Variants in PDE7B observed in about 807,000 individuals in gnomAD.
The protein encoded by PDE7B is phosphodiesterase 7B.
Under a neutral mutation model 56.2 loss-of-function variants are expected in PDE7B, and 29 were observed. The observed-to-expected ratio is 0.52, with a 90% CI of 0.38 to 0.70. The LOEUF is 0.70. Among genes scored for constraint, PDE7B ranks in the 30% least tolerant of loss-of-function variants. The pLI is 0.00. For missense variants in PDE7B, 490 were observed against 565.0 expected, an observed-to-expected ratio of 0.87 and a Z score of 1.35; for synonymous variants, 197 against 196.9, an observed-to-expected ratio of 1.00 and a Z score of 0.00.
rs146881524 is a variant in PDE7B at position 135,983,376 on chromosome 6, T to A, written c.82+35852T>A. ...CAGGTAATATATGTGAAATTAATCG[T>A]CTACATTCAAAATTACATTTTGTTG... is the stretch of plus-strand genomic sequence containing the variant. On this transcript the variant is annotated intron_variant, in intron 2 of 12. Transcript: ENST00000308191. Among the ~76,000 whole-genome samples, 242 of 152,330 alleles carry A rather than the reference T, an allele frequency of 1.6e-3. 1 individual carries two copies. In the East Asian group the frequency reaches 0.028, roughly 17 times the overall value.
intron 2 of PDE7B, among the ~76,000 whole-genome samples, chr6:135,947,857 G>T (rs1221407245): frequency 6.6e-6 from 1 of 151,964 alleles, no homozygotes; most frequent in Non-Finnish European, 1.5e-5. Context: ...ACCAAAGATG[G>T]ATGATAAGAT....
At chr6:136,141,613 G>T (rs1036309897) in intron 3 of PDE7B, among the ~76,000 whole-genome samples, 2 of 152,122 alleles carry the variant, frequency 1.3e-5, no homozygotes, top group Admixed American at 1.3e-4. Flanking sequence ...TTTTTGGTTT[G>T]TAAGCTATTA....
chr6:135,854,702 T>G (rs1268534004), intron 1 of PDE7B, among the ~76,000 whole-genome samples: 1 of 152,188 alleles, frequency 6.6e-6, no homozygotes, highest in Non-Finnish European at 1.5e-5. Flanking sequence ...TCAGCACCAC[T>G]GGCTTCTAAA....
intron 2 of PDE7B, among the ~76,000 whole-genome samples, chr6:135,989,691 A>C (rs1775447010): frequency 6.6e-6 from 1 of 152,208 alleles, no homozygotes; most frequent in Non-Finnish European, 1.5e-5. Flanking sequence ...ATATTAACTC[A>C]GTTGATGAAA....
chr6:136,097,357 T>C (rs1777485710), intron 2 of PDE7B, among the ~76,000 whole-genome samples: 1 of 152,190 alleles, frequency 6.6e-6, no homozygotes, highest in African/African-American at 2.4e-5. Context: ...CATCCAGTTA[T>C]GCAAACCAGA....
intron 2 of PDE7B, among the ~76,000 whole-genome samples, chr6:136,026,031 T>C (rs963854883): frequency 6.6e-6 from 1 of 152,200 alleles, no homozygotes; most frequent in African/African-American, 2.4e-5. Context: ...CATTCACCAA[T>C]GTCACATCAT....
chr6:135,853,513 C>G (rs1386820953), intron 1 of PDE7B, among the ~76,000 whole-genome samples: 1 of 152,146 alleles, frequency 6.6e-6, no homozygotes, highest in African/African-American at 2.4e-5. Flanking sequence ...TCAGTAGTTA[C>G]GTCTTGATTG....
At chr6:136,186,320 T>C (rs1245644037) in intron 11 of PDE7B, among the ~76,000 whole-genome samples, 1 of 151,982 alleles carries the variant, frequency 6.6e-6, no homozygotes, top group Non-Finnish European at 1.5e-5. Context: ...CCAAGCTACT[T>C]GGGAGGCTAA....
intron 2 of PDE7B, among the ~76,000 whole-genome samples, chr6:136,040,857 C>G (rs755414375): frequency 2.6e-5 from 4 of 152,134 alleles, no homozygotes; most frequent in Admixed American, 6.5e-5. Flanking sequence ...ACAACAAAGC[C>G]CAGGTCAAGC....
intron 2 of PDE7B, among the ~76,000 whole-genome samples, chr6:136,073,110 T>C (rs2128214216): frequency 6.6e-6 from 1 of 152,240 alleles, no homozygotes; most frequent in South Asian, 2.1e-4. Flanking sequence ...ATATCTGAGA[T>C]GGTGGCGTCG....
intron 2 of PDE7B, chr6:136,049,416 A>G (rs1341360891): frequency 6.6e-6 from 1 of 151,784 alleles, no homozygotes; most frequent in Non-Finnish European, 1.5e-5. Context: ...TGTTTTTCTA[A>G]GCAAACAGTT....
At chr6:135,886,283 G>A (rs1775708209) in intron 1 of PDE7B, among the ~76,000 whole-genome samples, 2 of 152,036 alleles carry the variant, frequency 1.3e-5, no homozygotes, top group Admixed American at 1.3e-4. Flanking sequence ...AAGAAGCCAA[G>A]GACCTCTGCA....
At position 136,089,808 on chromosome 6, in the gene PDE7B, C is replaced by T. The variant is rs562629046; in HGVS notation, c.83-18923C>T. The stretch of plus-strand genomic sequence containing the variant: ...GTCATAATTAGGCAGAACTCTTGCC[C>T]TCAAAAACTTACATTTTAAATATTC... On this transcript the variant is annotated intron_variant, in intron 2 of 12. Transcript: ENST00000308191. 1.1e-4 allele frequency among the ~76,000 whole-genome samples: 16 copies of T among 152,266 alleles called. No homozygotes were observed. In the East Asian group the frequency reaches 1.7e-3, roughly 17 times the overall value.
At chr6:136,111,353 T>C (rs1261212685) in intron 3 of PDE7B, among the ~76,000 whole-genome samples, 1 of 152,218 alleles carries the variant, frequency 6.6e-6, no homozygotes, top group African/African-American at 2.4e-5. Flanking sequence ...TAACTATGAA[T>C]GTAAATCATC....
rs117293462 is a variant in PDE7B, at chr6:135,865,275, G to A, written c.21+13256G>A. On this transcript the variant is annotated intron_variant, in intron 1 of 12. Coordinates refer to ENST00000308191, the MANE Select transcript of PDE7B (RefSeq NM_018945.4). ...CCCATTACTTACCTTCAATCTCTTTGTTCTTCATTTTGAAGATTTTCTTTA... is the reference window on the plus strand; with the variant it reads ...CCCATTACTTACCTTCAATCTCTTTATTCTTCATTTTGAAGATTTTCTTTA... 3.6e-3 allele frequency among the ~76,000 whole-genome samples: 551 copies of A among 151,932 alleles called. 3 individuals carry two copies. Among genetic ancestry groups the A allele is most frequent in the South Asian group, 0.02 (94 of 4,800 alleles).
chr6:136,175,886 A>G (rs1223721332), intron 9 of PDE7B, among the ~76,000 whole-genome samples: 1 of 152,128 alleles, frequency 6.6e-6, no homozygotes, highest in African/African-American at 2.4e-5. Flanking sequence ...CTGTATTCCA[A>G]CTGATGGATT....
Position 136,115,369 on chromosome 6 carries a change from G to C in PDE7B, c.166+6555G>C, listed in dbSNP as rs75836577. Reference sequence around the variant, plus strand: ...AGCAACAGTGAAATAAAAGAGGGCTGTATGCTAAGGTCAACTATTAGGGCC... The same window carrying C: ...AGCAACAGTGAAATAAAAGAGGGCTCTATGCTAAGGTCAACTATTAGGGCC... On this transcript the variant is annotated intron_variant, in intron 3 of 12. Transcript: ENST00000308191. Among the ~76,000 whole-genome samples the C allele has an allele frequency of 7.2e-3, 1,096 of 152,200 alleles. 14 individuals carry two copies. Among genetic ancestry groups the C allele is most frequent in the Middle Eastern group, 0.014 (4 of 294 alleles).
intron 2 of PDE7B, among the ~76,000 whole-genome samples, chr6:136,069,873 CTT>C (rs1464795062): frequency 6.6e-6 from 1 of 151,704 alleles, no homozygotes; most frequent in Non-Finnish European, 1.5e-5. Flanking sequence ...TGGCAAATCT[CTT>C]TTTCTGTCTA....
chr6:135,995,697 T>C (rs1775553062), intron 2 of PDE7B, among the ~76,000 whole-genome samples: 1 of 152,196 alleles, frequency 6.6e-6, no homozygotes. Context: ...TGAGAGACGT[T>C]CTTACCAGCC....
Sources: gnomAD v4.1 joint callset for allele counts (sites outside exome capture counted in the v4.1 genomes callset) on GRCh38, gnomAD v4.1.1 for gene constraint, MANE v1.5 for transcripts, NCBI Gene and HGNC (gene_info 2026-07-23, HGNC 2026-07-21) for gene names.